CTCFL: variants seen among roughly 807,000 people sequenced by gnomAD.
CTCFL encodes CCCTC-binding factor like.
Under a neutral mutation model 67.4 loss-of-function variants are expected in CTCFL, and 36 were observed. The ratio of observed to expected loss-of-function variants is 0.53; its 90% CI spans 0.41 to 0.71. The LOEUF is 0.71. CTCFL is among the 30% of genes least tolerant of loss of function. CTCFL has a pLI of 0.00. For synonymous variants in CTCFL, 324 were observed against 302.3 expected, an observed-to-expected ratio of 1.07 and a Z score of -0.75; for missense variants, 786 against 835.2, an observed-to-expected ratio of 0.94 and a Z score of 0.73.
chr20:57,513,331 C>G (rs2068686950), intron 7 of CTCFL: 1 of 986,178 alleles, frequency 1.0e-6, no homozygotes, highest in Non-Finnish European at 1.2e-6. Flanking sequence ...TGGGTTTGCT[C>G]ATCTAAGTCT....
Position 57,519,305 on chromosome 20 carries a change from A to G in CTCFL, c.827T>C (p.Met276Thr). Residue 276 changes from methionine to threonine, a missense_variant, in exon 4 of 11, where the codon ATG (methionine) becomes ACG (threonine). Physicochemically the swap from Met to Thr is moderately conservative, Grantham distance 81 (BLOSUM62 -1). Around this residue, in one of 3 missense-constraint regions of CTCFL, gnomAD observed 254 missense variants for 333.9 expected, o/e 0.76. Transcript: ENST00000243914. ...SSRMSSFNRH[M>T]KTHTSEKPHL... ...AGGCTTCTCACTGGTGTGAGTTTTC[A>G]TATGACGATTAAAACTTGACATTCT... The G allele has an allele frequency of 6.2e-7, 1 of 1,614,178 alleles. No individual in the cohort carries two copies. The highest frequency in any genetic ancestry group is 8.5e-7 in the Non-Finnish European group (1 of 1,180,022).
At chr20:57,520,562 G>A (rs1448896590) in intron 3 of CTCFL, among the ~76,000 whole-genome samples, 1 of 152,188 alleles carries the variant, frequency 6.6e-6, no homozygotes, top group East Asian at 1.9e-4. Context: ...GTAAAAAAGA[G>A]AGCTTGGTGG....
rs766894659 is a variant in CTCFL, at chr20:57,523,847, A to G, written c.359T>C (p.Leu120Pro). ...CTGCCGGGGCCCTTCCTCAAGCCAC[A>G]GCAACCCAGGGCCAGGCTGTTGCAC... ...VVVQQPGPGL[L>P]WLEEGPRQSL... The change falls in exon 2 of 11, where the codon CTG (leucine) becomes CCG (proline). Residue 120 changes from leucine to proline, a missense_variant. Leu to Pro is a moderately conservative substitution (Grantham distance 98). Transcript: ENST00000243914. The G allele has an allele frequency of 6.4e-5, 104 of 1,613,124 alleles. No homozygotes were observed. The highest frequency in any genetic ancestry group is 8.6e-5 in the Non-Finnish European group (102 of 1,180,046).
rs751239769 is a variant in CTCFL, at chr20:57,512,664, G to A, written c.1419C>T (p.Leu473=). Residue 473 remains leucine (L), a synonymous_variant, in exon 8 of 11, where the codon CTC becomes CTT. Transcript: ENST00000243914. ...TCTTATGAGTTTTCTGGTGCTGAAT[G>A]AGGGCATAGCGTTCATGGAAGACAG... ...CSAVFHERYA[L]IQHQKTHKNE... 6.2e-7 allele frequency: 1 copy of A among 1,614,100 alleles called. No individual in the cohort carries two copies. The highest frequency in any genetic ancestry group is 1.6e-4 in the Middle Eastern group (1 of 6,084).
chr20:57,523,903 G>A lies in CTCFL; in HGVS notation c.303C>T (p.Ser101=). The A allele has an allele frequency of 6.2e-7, 1 of 1,613,156 alleles. No individual in the cohort carries two copies. Among genetic ancestry groups the A allele is most frequent in the Non-Finnish European group, 8.5e-7 (1 of 1,180,042 alleles). ...CCTGCACCCCTTCTTGCTGCTGTATGCTCAGCAAGCTCATATCCTGCAACT... is the reference window on the plus strand; with the variant it reads ...CCTGCACCCCTTCTTGCTGCTGTATACTCAGCAAGCTCATATCCTGCAACT... ...AVELQDMSLL[S]IQQQEGVQVV... The change falls in exon 2 of 11, where the codon AGC becomes AGT. Residue 101 remains serine (S), a synonymous_variant. Transcript: ENST00000243914.
intron 10 of CTCFL, among the ~76,000 whole-genome samples, chr20:57,501,809 G>A (rs990010584): frequency 6.6e-6 from 1 of 152,196 alleles, no homozygotes; most frequent in African/African-American, 2.4e-5. Context: ...CAGGGGCTGG[G>A]AGTTTGGGAT....
chr20:57,514,483 C>T (rs1407647797), intron 7 of CTCFL, 109 bp downstream of exon 7: 12 of 1,355,412 alleles, frequency 8.9e-6, no homozygotes, highest in East Asian at 6.9e-5. Context: ...GCCAAGTTCC[C>T]GAAGACCGGG....
intron 9 of CTCFL, among the ~76,000 whole-genome samples, chr20:57,505,072 T>A (rs2068124263): frequency 6.6e-6 from 1 of 151,744 alleles, no homozygotes; most frequent in African/African-American, 2.4e-5. Context: ...CACTGAAAAA[T>A]GCACAGTTAA....
rs774266834 is a variant in CTCFL at position 57,519,375 on chromosome 20, C to T, written c.757G>A (p.Ala253Thr). ...ACATCACAGTGGAAGGTTCCTTTTG[C>T]TCCTATAGGCAGGAAATAGTTTATG... ...STKNQRKTKG[A>T]KGTFHCDVCM... Residue 253 changes from alanine (A) to threonine (T), a missense_variant and splice_region_variant, in exon 4 of 11, where the codon GCA becomes ACA. Ala to Thr is a moderately conservative substitution (Grantham distance 58, BLOSUM62 0). Transcript: ENST00000243914. 2.5e-6 allele frequency: 4 copies of T among 1,612,062 alleles called. No individual in the cohort carries two copies. Among genetic ancestry groups the T allele is most frequent in the Admixed American group, 1.7e-5 (1 of 59,824 alleles).
At position 57,525,107 on chromosome 20, in the gene CTCFL, C is replaced by G. The variant is rs1397638725; in HGVS notation, c.-91G>C. On this transcript the variant is annotated 5_prime_UTR_variant, in exon 1 of 11. Coordinates refer to ENST00000243914, the MANE Select transcript of CTCFL (RefSeq NM_001386993.1). Reference sequence around the variant, plus strand: ...TGCCTCGTGCACCGCGTGCTGCAGCCCACAGCCGGCCGCCGCCGGGCTGGC... The same window carrying G: ...TGCCTCGTGCACCGCGTGCTGCAGCGCACAGCCGGCCGCCGCCGGGCTGGC... 6.6e-6 allele frequency: 1 copy of G among 152,058 alleles called. No individual in the cohort carries two copies. The highest frequency in any genetic ancestry group is 1.5e-5 in the Non-Finnish European group (1 of 68,158). The allele number at this position is 152,058 out of a possible 1,614,324, so 9.4% of individuals were successfully genotyped here. A position where few individuals can be genotyped will look rare whatever the true frequency, so the allele number is the denominator to read the frequency against.
chr20:57,507,199 T>A (rs2068253905), intron 9 of CTCFL: 1 of 304,368 alleles, frequency 3.3e-6, no homozygotes, highest in Non-Finnish European at 5.0e-6. Context: ...TGCCACTTTT[T>A]TTTTTTTTTT....
At chr20:57,516,313 G>A (rs1261384644) in intron 5 of CTCFL, among the ~76,000 whole-genome samples, 1 of 152,118 alleles carries the variant, frequency 6.6e-6, no homozygotes, top group Non-Finnish European at 1.5e-5. Flanking sequence ...TGAGAGGGGT[G>A]GATCACCTGA....
At chr20:57,514,466 T>A (rs1216061210) in intron 7 of CTCFL, 126 bp downstream of exon 7, 17 of 1,131,348 alleles carry the variant, frequency 1.5e-5, no homozygotes, top group Non-Finnish European at 2.2e-5. Flanking sequence ...AGAAAATTCG[T>A]CCCAGGGCCA....
chr20:57,509,284 A>ATTTTT (rs370517858), intron 8 of CTCFL, among the ~76,000 whole-genome samples: 2 of 134,650 alleles, frequency 1.5e-5, no homozygotes, highest in Admixed American at 7.6e-5. Flanking sequence ...CTTAATACCG[A>ATTTTT]TTTTTTTTTT....
chr20:57,516,884 C>T (rs1003656669), intron 5 of CTCFL, among the ~76,000 whole-genome samples: 41 of 152,222 alleles, frequency 2.7e-4, no homozygotes, highest in African/African-American at 9.4e-4. Flanking sequence ...ATTCGTGTAT[C>T]ACAGGCCCTT....
At chr20:57,505,295 G>A (rs761287168) in intron 9 of CTCFL, among the ~76,000 whole-genome samples, 8 of 151,378 alleles carry the variant, frequency 5.3e-5, no homozygotes, top group African/African-American at 7.3e-5. Context: ...TTGCTCTTTC[G>A]TCTAGGCTGG....
upstream of CTCFL, chr20:57,525,449 G>C (rs1263918537): frequency 1.4e-5 from 2 of 147,538 alleles, no homozygotes; most frequent in East Asian, 4.1e-4. Context: ...GAGGGGAGGA[G>C]GGTCCTGCAG....
At chr20:57,515,664 TTTAAGAGTTAACACTGTAGG>T (rs2068863293) in intron 6 of CTCFL, 30 bp downstream of exon 6, 1 of 1,611,662 alleles carries the variant, frequency 6.2e-7, no homozygotes, top group East Asian at 2.2e-5. Context: ...TAAAGCTTGC[TTTAAGAGTTAACACTGTAGG>T]TATCAGGCCT....
chr20:57,505,325 T>G (rs1033576463), intron 9 of CTCFL, among the ~76,000 whole-genome samples: 7 of 151,842 alleles, frequency 4.6e-5, no homozygotes, highest in Admixed American at 2.0e-4. Flanking sequence ...GCACGATCTC[T>G]GCTCACTGCA....
Sources: allele counts gnomAD v4.1 joint callset (sites outside exome capture counted in the v4.1 genomes callset), GRCh38; gene constraint gnomAD v4.1.1; regional missense constraint gnomAD v4.1.1; transcripts MANE v1.5; gene names NCBI Gene and HGNC (gene_info 2026-07-23, HGNC 2026-07-21).